Variants in ZNF469 observed in about 807,000 individuals in gnomAD.
ZNF469 encodes zinc finger protein 469.
Under a neutral mutation model 1.0 loss-of-function variants are expected in ZNF469, and 1 was observed. That is an observed-to-expected ratio of 1.00 (90% CI 0.35 to 4.73). ZNF469 has a LOEUF of 4.73. Among genes scored for constraint, ZNF469 ranks in the 30% most tolerant of loss-of-function variants. The pLI is 0.16. For missense variants in ZNF469, 6,100 were observed against 5,356.3 expected (o/e 1.14, Z -4.33); for synonymous variants, 2,703 against 2,363.4 (o/e 1.14, Z -4.17).
chr16:88,393,055 T>C (rs979821673), intron 1 of ZNF469, among the ~76,000 whole-genome samples: 3 of 152,240 alleles, frequency 2.0e-5, no homozygotes, highest in Non-Finnish European at 4.4e-5. Context: ...GGTGGGTTGG[T>C]CTCTGCAATC....
the ZNF469 span, among the ~76,000 whole-genome samples, chr16:88,299,562 G>C: frequency 6.6e-6 from 1 of 152,202 alleles, no homozygotes; most frequent in East Asian, 1.9e-4. Context: ...TGGCTTCTGG[G>C]AGTCATAGCT....
At chr16:88,204,578 C>CGACAG in the ZNF469 span, among the ~76,000 whole-genome samples, 1 of 152,170 alleles carries the variant, frequency 6.6e-6, no homozygotes, top group Non-Finnish European at 1.5e-5. Context: ...GGATTTTCTC[C>CGACAG]GACAGGAGGA....
chr16:88,413,615 G>C (rs903491465), intron 1 of ZNF469, among the ~76,000 whole-genome samples: 2 of 152,236 alleles, frequency 1.3e-5, no homozygotes, highest in Non-Finnish European at 2.9e-5. Flanking sequence ...CTGCAGAGCT[G>C]GGGGCAGCGT....
chr16:88,140,449 C>T, the ZNF469 span, among the ~76,000 whole-genome samples: 620 of 129,618 alleles, frequency 4.8e-3, no homozygotes, highest in African/African-American at 0.026. Context: ...GACGGAGCCA[C>T]GTAGAAATCG....
At chr16:88,336,556 A>G in the ZNF469 span, among the ~76,000 whole-genome samples, 2 of 150,336 alleles carry the variant, frequency 1.3e-5, no homozygotes, top group Non-Finnish European at 2.9e-5. Context: ...TGCCAATACC[A>G]CACATGTTCA....
In ZNF469 at chr16:88,431,481, C is replaced by T. The variant is rs549744162; in HGVS notation, c.4011C>T (p.Thr1337=). The change falls in exon 3 of 3, where the codon ACC becomes ACT. Residue 1337 remains threonine (T), a synonymous_variant. Transcript: ENST00000565624. ...CACCCGTGGCTAACCCCTCAAGTACCGCCTGCCCCAAACCCAGTGTTCTGT... is the reference window on the plus strand; with the variant it reads ...CACCCGTGGCTAACCCCTCAAGTACTGCCTGCCCCAAACCCAGTGTTCTGT... ...FLAPVANPSS[T]ACPKPSVLSS... is the part of the protein sequence containing the mutation. 14 of 1,550,424 alleles carry T rather than the reference C, an allele frequency of 9.0e-6. No homozygotes were observed. In the Admixed American group the frequency reaches 2.4e-4, roughly 26 times the overall value.
the ZNF469 span, among the ~76,000 whole-genome samples, chr16:88,228,719 C>T: frequency 3.9e-5 from 6 of 152,200 alleles, no homozygotes; most frequent in Admixed American, 2.0e-4. Context: ...AGTTTCCTTC[C>T]GGCCTTGCTT....
At chr16:88,238,425 C>G in the ZNF469 span, among the ~76,000 whole-genome samples, 2 of 152,130 alleles carry the variant, frequency 1.3e-5, no homozygotes, top group Non-Finnish European at 2.9e-5. Flanking sequence ...TAGATAGACC[C>G]TAGGTAGACC....
intron 1 of ZNF469, among the ~76,000 whole-genome samples, chr16:88,404,739 A>G (rs999846167): frequency 1.3e-5 from 2 of 152,012 alleles, no homozygotes; most frequent in Admixed American, 6.6e-5. Context: ...CATTATGAGG[A>G]GAAAGGTAGC....
chr16:88,435,850 A>G lies in ZNF469; in HGVS notation c.8380A>G (p.Thr2794Ala). Residue 2794 changes from threonine to alanine, a missense_variant, in exon 3 of 3, where the codon ACG becomes GCG. Transcript: ENST00000565624. ...RSEEGVWEEN[T>A]PPLGPLGFPE... is the part of the protein sequence containing the mutation. Reference sequence around the variant, plus strand: ...AGAGGAAGGTGTCTGGGAGGAGAACACGCCCCCCTTGGGCCCCCTGGGTTT... The same window carrying G: ...AGAGGAAGGTGTCTGGGAGGAGAACGCGCCCCCCTTGGGCCCCCTGGGTTT... 1.3e-6 allele frequency: 2 copies of G among 1,550,340 alleles called. No homozygotes were observed. Among genetic ancestry groups the G allele is most frequent in the Non-Finnish European group, 1.7e-6 (2 of 1,146,942 alleles).
At chr16:88,121,176 G>T in the ZNF469 span, among the ~76,000 whole-genome samples, 1 of 14,704 alleles carries the variant, frequency 6.8e-5, no homozygotes, top group Non-Finnish European at 2.4e-4. Flanking sequence ...GTGGGGTGGG[G>T]GTTGGGGGGG....
the ZNF469 span, among the ~76,000 whole-genome samples, chr16:88,372,494 CCACCATCACCATGAT>C: frequency 6.7e-5 from 10 of 148,860 alleles, no homozygotes; most frequent in African/African-American, 2.5e-4. Flanking sequence ...ACCACCATCA[CCACCATCACCATGAT>C]CACCATCACC....
chr16:88,204,644 T>G, the ZNF469 span, among the ~76,000 whole-genome samples: 64,056 of 152,106 alleles, frequency 0.42, 15,184 homozygotes, highest in South Asian at 0.55. Flanking sequence ...AGGAGGACCC[T>G]GTTAAGAGGA....
At chr16:88,283,953 T>TGA in the ZNF469 span, among the ~76,000 whole-genome samples, 1 of 114,262 alleles carries the variant, frequency 8.8e-6, no homozygotes, top group East Asian at 3.1e-4. Context: ...AGACCCCCAG[T>TGA]GTGCCCAAGG....
intron 1 of ZNF469, among the ~76,000 whole-genome samples, chr16:88,409,630 A>T (rs906969389): frequency 6.6e-6 from 1 of 152,242 alleles, no homozygotes; most frequent in East Asian, 1.9e-4. Context: ...CCCCATGCAC[A>T]TATGCTATAT....
chr16:88,410,950 G>A lies in ZNF469; in HGVS notation c.-191-13857G>A, dbSNP rs147712994. ...GAGGTCCCAGGCATTCCTGGCTCGT[G>A]GCCGCCTCACTCCACCTCTACCTCC... On this transcript the variant is annotated intron_variant, in intron 1 of 2. Transcript: ENST00000565624. Among the ~76,000 whole-genome samples the A allele has an allele frequency of 5.5e-3, 830 of 152,200 alleles. 11 individuals carry two copies. The highest frequency in any genetic ancestry group is 0.019 in the African/African-American group (791 of 41,538).
the ZNF469 span, among the ~76,000 whole-genome samples, chr16:88,326,803 C>T: frequency 6.6e-6 from 1 of 152,210 alleles, no homozygotes; most frequent in Non-Finnish European, 1.5e-5. Flanking sequence ...GCACTCGGGC[C>T]GGTCCTGACC....
At chr16:88,205,937 A>G in the ZNF469 span, among the ~76,000 whole-genome samples, 2 of 150,874 alleles carry the variant, frequency 1.3e-5, no homozygotes, top group African/African-American at 4.9e-5. The surrounding 1 kb of genome is among the most constrained non-coding windows in gnomAD (Gnocchi z 4.2). Context: ...ACTGGGGAGC[A>G]GTGGAGGGTT....
At chr16:88,227,466 G>GTCTCCCCA in the ZNF469 span, among the ~76,000 whole-genome samples, 55 of 151,300 alleles carry the variant, frequency 3.6e-4, no homozygotes, top group Non-Finnish European at 5.2e-4. Context: ...GCTTCTCCCT[G>GTCTCCCCA]TCTCCCCATC....
Sources: gnomAD v4.1 joint callset for allele counts (sites outside exome capture counted in the v4.1 genomes callset) on GRCh38, gnomAD v4.1.1 for gene constraint, Gnocchi (gnomAD v3.1) non-coding constraint, MANE v1.5 for transcripts, NCBI Gene and HGNC (gene_info 2026-07-23, HGNC 2026-07-21) for gene names.